Variants in ACACB observed in about 807,000 individuals in gnomAD.
ACACB encodes the protein acetyl-CoA carboxylase 2.
A neutral mutation model predicts 278.8 loss-of-function variants in ACACB; 209 were observed. That is an observed-to-expected ratio of 0.75 (90% CI 0.67 to 0.84). The LOEUF (loss-of-function observed/expected upper bound fraction) is 0.84. Ranked by LOEUF, ACACB falls within the 40% of genes least tolerant of loss-of-function variation. The probability of loss-of-function intolerance (pLI) is 0.00; values close to 1 mark genes in which losing one functional copy is unlikely to be tolerated. For missense variants in ACACB, 2,850 were observed against 3,269.0 expected (o/e 0.87, Z 3.13); for synonymous variants, 1,174 against 1,285.6 (o/e 0.91, Z 1.86).
In ACACB at chr12:109,175,940, T is replaced by A. The variant is rs746953280; in HGVS notation, c.1226T>A (p.Val409Glu). 1.2e-6 allele frequency: 2 copies of A among 1,613,742 alleles called. No homozygotes were observed. Among genetic ancestry groups the A allele is most frequent in the Admixed American group, 3.3e-5 (2 of 59,970 alleles). ...CTTTGTGACTCTCCAGGCCTGACAG[T>A]GGAGTGGACAGAAGATGATCTGCAG... ...TLPWSGSGLT[V>E]EWTEDDLQQG... The change falls in exon 8 of 53, where the codon GTG becomes GAG. Residue 409 changes from valine to glutamate, a missense_variant. By Grantham distance (121) the Val-to-Glu change is moderately radical. Coordinates refer to ENST00000338432, the MANE Select transcript of ACACB (RefSeq NM_001093.4).
At chr12:109,155,586 T>C (rs1374684053) in intron 2 of ACACB, among the ~76,000 whole-genome samples, 1 of 144,862 alleles carries the variant, frequency 6.9e-6, no homozygotes, top group Non-Finnish European at 1.5e-5. Context: ...ATTCTTCAGC[T>C]TTTTTTTTTT....
chr12:109,238,470 T>C (rs1340106584), intron 34 of ACACB, among the ~76,000 whole-genome samples: 4 of 101,572 alleles, frequency 3.9e-5, no homozygotes, highest in African/African-American at 1.2e-4. Context: ...ATATAATATA[T>C]AATATGTTAT....
At position 109,191,252 on chromosome 12, in the gene ACACB, C is replaced by T. The variant is rs931804606; in HGVS notation, c.2145-361C>T. 3.0e-4 allele frequency among the ~76,000 whole-genome samples: 44 copies of T among 146,016 alleles called. 1 individual carries two copies. Among genetic ancestry groups the T allele is most frequent in the Admixed American group, 1.7e-3 (24 of 14,318 alleles). ...TTTTGGAGACAGAGTCTTGCTCTGT[C>T]GCCCAGCCTGGAGTGCAGTGGTGTG... On this transcript the variant is annotated intron_variant, in intron 13 of 52. Transcript: ENST00000338432.
intron 2 of ACACB, among the ~76,000 whole-genome samples, chr12:109,164,822 ATTCTCCCTCCTCGGCT>A (rs113941436): frequency 0.067 from 10,155 of 150,662 alleles, 377 homozygotes; most frequent in African/African-American, 0.075. Context: ...GGTTCAAGCA[ATTCTCCCTCCTCGGCT>A]TTCCAAGGTG....
chr12:109,227,194 A>C (rs2046337267), intron 27 of ACACB, among the ~76,000 whole-genome samples, 177 bp from the exon 28 acceptor site: 1 of 152,024 alleles, frequency 6.6e-6, no homozygotes, highest in Admixed American at 6.6e-5. Context: ...CGAGTGACCT[A>C]CCTGCCCTGG....
intron 1 of ACACB, among the ~76,000 whole-genome samples, chr12:109,119,477 C>A (rs1035198583): frequency 6.6e-6 from 1 of 151,728 alleles, no homozygotes; most frequent in Non-Finnish European, 1.5e-5. Flanking sequence ...GTAAACCCAG[C>A]GACTTGGGAG....
In ACACB at chr12:109,179,769, G is replaced by A. The variant is rs991254051; in HGVS notation, c.1648-148G>A. 62 of 894,484 alleles carry A rather than the reference G, an allele frequency of 6.9e-5. 1 individual carries two copies. The highest frequency in any genetic ancestry group is 3.5e-4 in the Middle Eastern group (1 of 2,856). 55.4% of individuals were successfully genotyped at this position (894,484 alleles called of 1,614,324 possible). ...GCCTCCTTAAGCGCTAGGGTGATAG[G>A]CATGAGCCACCACACCTGGCCAGTC... On this transcript the variant is annotated intron_variant, in intron 10 of 52. Coordinates refer to ENST00000338432, the MANE Select transcript of ACACB (RefSeq NM_001093.4).
intron 21 of ACACB, among the ~76,000 whole-genome samples, chr12:109,209,991 ATATATGTG>A (rs1218800955): frequency 9.5e-6 from 1 of 105,662 alleles, no homozygotes; most frequent in Non-Finnish European, 1.9e-5. Flanking sequence ...ACGTGTGTGT[ATATATGTG>A]TATATGTGTA....
chr12:109,238,102 C>G lies in ACACB; in HGVS notation c.4662+722C>G, dbSNP rs945637003. ...TAAGACTGAAAACGATTTTTAAGAA[C>G]CTAGCGCAAGGACCGAGAATCCTGT... is the stretch of plus-strand genomic sequence containing the variant. On this transcript the variant is annotated intron_variant, in intron 34 of 52. Coordinates refer to ENST00000338432, the MANE Select transcript of ACACB (RefSeq NM_001093.4). Among the ~76,000 whole-genome samples the G allele has an allele frequency of 5.3e-5, 8 of 150,010 alleles. No individual in the cohort carries two copies. The Admixed American group carries it at 5.3e-4, about 10-fold the overall frequency.
At chr12:109,225,744 T>A (rs1180612049) in intron 27 of ACACB, among the ~76,000 whole-genome samples, 1 of 152,246 alleles carries the variant, frequency 6.6e-6, no homozygotes, top group Non-Finnish European at 1.5e-5. Context: ...CAGCCACGTG[T>A]GGTTAGTGAG....
chr12:109,210,976 C>A (rs186761303), intron 21 of ACACB, among the ~76,000 whole-genome samples: 1 of 151,346 alleles, frequency 6.6e-6, no homozygotes, highest in Non-Finnish European at 1.5e-5. Context: ...GGAAGCCATT[C>A]CAGGGAAGTA....
chr12:109,179,643 T>C (rs562662171), intron 10 of ACACB, among the ~76,000 whole-genome samples: 1 of 152,246 alleles, frequency 6.6e-6, no homozygotes, highest in South Asian at 2.1e-4. Context: ...CCTGTCACCA[T>C]GTCTGGCTAA....
chr12:109,266,127 C>T lies in ACACB; in HGVS notation c.7251-109C>T, dbSNP rs982371429. On this transcript the variant is annotated intron_variant, in intron 52 of 52. Transcript: ENST00000338432. Reference sequence around the variant, plus strand: ...CCCCATGGGGACCACAGCAGGGACTCGGGAGCTCTGGGTTCTGGGGTGTGG... The same window carrying T: ...CCCCATGGGGACCACAGCAGGGACTTGGGAGCTCTGGGTTCTGGGGTGTGG... The T allele has an allele frequency of 1.4e-5, 20 of 1,379,558 alleles. No individual in the cohort carries two copies. The African/African-American group carries it at 1.6e-4, about 11-fold the overall frequency. The allele number at this position is 1,379,558 out of a possible 1,614,324, so 85.5% of individuals were successfully genotyped here.
chr12:109,258,429 C>T lies in ACACB; in HGVS notation c.6360+65C>T, dbSNP rs532691230. 152 of 1,370,550 alleles carry T rather than the reference C, an allele frequency of 1.1e-4. No homozygotes were observed. In the African/African-American group the frequency reaches 1.9e-3, roughly 18 times the overall value. 84.9% of individuals were successfully genotyped at this position (1,370,550 alleles called of 1,614,324 possible). ...GGTACTGTCGAGAGTGGGTCCTGGG[C>T]GTGGGGGTCCCATCCCTGCCCTGCC... On this transcript the variant is annotated intron_variant, in intron 46 of 52. Transcript: ENST00000338432.
chr12:109,226,762 C>CTACGTCCG (rs2046325285), intron 27 of ACACB, among the ~76,000 whole-genome samples: 1 of 150,726 alleles, frequency 6.6e-6, no homozygotes, highest in Admixed American at 6.6e-5. Flanking sequence ...TTGTCCACAG[C>CTACGTCCG]TACGTCCGTG....
chr12:109,169,418 G>A (rs2136173311), intron 4 of ACACB, among the ~76,000 whole-genome samples: 1 of 152,232 alleles, frequency 6.6e-6, no homozygotes, highest in South Asian at 2.1e-4. Context: ...GGGTGGGATG[G>A]GAACCCTGGT....
At chr12:109,247,838 C>A in intron 40 of ACACB, 135 bp downstream of exon 40, 1 of 672,476 alleles carries the variant, frequency 1.5e-6, no homozygotes, top group Non-Finnish European at 2.6e-6. Flanking sequence ...CTGTTGGGGG[C>A]ACTGATGCCT....
chr12:109,187,049 G>A (rs111646750), intron 12 of ACACB, among the ~76,000 whole-genome samples: 1 of 151,890 alleles, frequency 6.6e-6, no homozygotes, highest in African/African-American at 2.4e-5. Flanking sequence ...CTGGCCGATG[G>A]GGTGAGGAAA....
chr12:109,159,001 A>C (rs927384308), intron 2 of ACACB, among the ~76,000 whole-genome samples: 20 of 152,144 alleles, frequency 1.3e-4, no homozygotes, highest in African/African-American at 3.9e-4. Context: ...AACAAAAAAC[A>C]ATCTAAAAAG....
Sources: gnomAD v4.1 joint callset for allele counts (sites outside exome capture counted in the v4.1 genomes callset) on GRCh38, gnomAD v4.1.1 for gene constraint, MANE v1.5 for transcripts, NCBI Gene and HGNC (gene_info 2026-07-23, HGNC 2026-07-21) for gene names.